Variants in NTM observed in about 807,000 individuals in gnomAD.
NTM encodes the protein IgLON family member 2.
NTM carries 13 observed loss-of-function variants against 42.1 expected under a neutral mutation model. The ratio of observed to expected loss-of-function variants is 0.31; its 90% CI spans 0.20 to 0.49. The LOEUF (loss-of-function observed/expected upper bound fraction) is 0.49, where lower values mean the gene tolerates loss of function less well. Ranked by LOEUF, NTM falls within the 20% of genes least tolerant of loss-of-function variation. The pLI is 0.99. For synonymous variants in NTM, 187 were observed against 179.2 expected (o/e 1.04, Z -0.35); for missense variants, 373 against 452.8 (o/e 0.82, Z 1.60).
At chr11:131,519,400 T>G (rs1460596828) in intron 1 of NTM, among the ~76,000 whole-genome samples, 1 of 150,982 alleles carries the variant, frequency 6.6e-6, no homozygotes, top group Non-Finnish European at 1.5e-5. Flanking sequence ...GTGGAGTTAG[T>G]TAAGACCAGC....
intron 1 of NTM, among the ~76,000 whole-genome samples, chr11:131,628,683 C>G (rs1376239252): frequency 6.6e-6 from 1 of 152,244 alleles, no homozygotes; most frequent in East Asian, 1.9e-4. Flanking sequence ...GCCTTCTTAC[C>G]TGTCAGGAGT....
chr11:131,998,784 G>A (rs1036235817), intron 2 of NTM, among the ~76,000 whole-genome samples: 1 of 152,094 alleles, frequency 6.6e-6, no homozygotes, highest in African/African-American at 2.4e-5. Context: ...CAGTGGGCCA[G>A]TGCAGGGCAA....
At chr11:131,561,681 G>A (rs986143628) in intron 1 of NTM, among the ~76,000 whole-genome samples, 6 of 147,884 alleles carry the variant, frequency 4.1e-5, no homozygotes, top group African/African-American at 1.5e-4. Flanking sequence ...AGAACAATTT[G>A]TTAGTATCCC....
rs76925773 is a variant in NTM, at chr11:132,198,624, T to C, written c.401-13398T>C. On this transcript the variant is annotated intron_variant, in intron 3 of 8. Transcript: ENST00000683400. ...TGGCTAGTAGATAGTAGATTCAGGA[T>C]TGGAGCCTGAGTCTACTTGGCTCCC... Among the ~76,000 whole-genome samples, 1,093 of 152,346 alleles carry C rather than the reference T, an allele frequency of 7.2e-3. 9 individuals carry two copies. Among genetic ancestry groups the C allele is most frequent in the Middle Eastern group, 0.017 (5 of 294 alleles).
At chr11:131,414,133 A>C (rs1298378576) in intron 1 of NTM, among the ~76,000 whole-genome samples, 1 of 152,196 alleles carries the variant, frequency 6.6e-6, no homozygotes, top group Non-Finnish European at 1.5e-5. Context: ...CCACAGGCAG[A>C]GAAAAGGAGG....
intron 2 of NTM, among the ~76,000 whole-genome samples, chr11:132,012,252 A>G (rs1363423235): frequency 6.6e-6 from 1 of 152,222 alleles, no homozygotes; most frequent in African/African-American, 2.4e-5. Flanking sequence ...TGTGTGGTTC[A>G]GACTAATTAT....
At chr11:131,424,600 C>CTTTCTTTTTTTTTTTTTTT (rs1947878678) in intron 1 of NTM, among the ~76,000 whole-genome samples, 10 of 56,046 alleles carry the variant, frequency 1.8e-4, no homozygotes, top group South Asian at 7.3e-4. Context: ...CTTTTCTTTT[C>CTTTCTTTTTTTTTTTTTTT]TTTTTTTTTT....
intron 2 of NTM, among the ~76,000 whole-genome samples, chr11:132,048,811 CTTTTTTCTT>C (rs774996503): frequency 1.2e-4 from 12 of 99,390 alleles, no homozygotes; most frequent in Admixed American, 2.2e-4. Flanking sequence ...TTTTTCTTTT[CTTTTTTCTT>C]TTTTTTTTTT....
chr11:131,685,154 T>C (rs1278120297), intron 1 of NTM, among the ~76,000 whole-genome samples: 1 of 152,232 alleles, frequency 6.6e-6, no homozygotes, highest in Admixed American at 6.5e-5. Context: ...GGATTAATGG[T>C]GGCCCTTTGA....
intron 1 of NTM, among the ~76,000 whole-genome samples, chr11:131,532,271 T>C (rs2051397406): frequency 4.6e-5 from 7 of 152,228 alleles, no homozygotes; most frequent in Admixed American, 4.6e-4. Context: ...TAACTTTCTG[T>C]TTCTCTGAAT....
chr11:132,063,828 A>C (rs1225262397), intron 2 of NTM, among the ~76,000 whole-genome samples: 1 of 152,186 alleles, frequency 6.6e-6, no homozygotes, highest in African/African-American at 2.4e-5. Context: ...CTCCTCTACA[A>C]AAAGAGGCAG....
intron 1 of NTM, among the ~76,000 whole-genome samples, chr11:131,386,048 A>G (rs149590166): frequency 6.6e-6 from 1 of 152,366 alleles, no homozygotes; most frequent in Non-Finnish European, 1.5e-5. Context: ...ATTATTCACA[A>G]TAGTGAAGGT....
chr11:131,523,960 G>A (rs2050114129), intron 1 of NTM, among the ~76,000 whole-genome samples: 1 of 151,850 alleles, frequency 6.6e-6, no homozygotes, highest in African/African-American at 2.4e-5. Context: ...ACTGCAGAGG[G>A]GACAAGGTTG....
intron 1 of NTM, among the ~76,000 whole-genome samples, chr11:131,885,746 C>T (rs560241110): frequency 1.1e-3 from 169 of 152,328 alleles, no homozygotes; most frequent in African/African-American, 3.7e-3. Context: ...TAACTAGATA[C>T]ATTTGATACA....
At chr11:132,086,635 A>T (rs1362480048) in intron 2 of NTM, among the ~76,000 whole-genome samples, 1 of 152,240 alleles carries the variant, frequency 6.6e-6, no homozygotes, top group Non-Finnish European at 1.5e-5. Context: ...AGCACACCAG[A>T]TTAGCTACAG....
chr11:131,384,212 G>C (rs1000778566), intron 1 of NTM, among the ~76,000 whole-genome samples: 2 of 152,160 alleles, frequency 1.3e-5, no homozygotes, highest in African/African-American at 4.8e-5. Context: ...CCCAGGGAGA[G>C]AGTAAGGAAT....
intron 8 of NTM, 114 bp downstream of exon 8, chr11:132,330,299 G>A (rs909795664): frequency 1.2e-4 from 146 of 1,209,834 alleles, no homozygotes; most frequent in Non-Finnish European, 1.6e-4. Flanking sequence ...CAGCGCAGAG[G>A]GAACCCTCCC....
chr11:131,564,194 T>A (rs2056586862), intron 1 of NTM, among the ~76,000 whole-genome samples: 1 of 152,252 alleles, frequency 6.6e-6, no homozygotes, highest in African/African-American at 2.4e-5. Flanking sequence ...TGACTAACCA[T>A]GAGGTCCTTT....
intron 4 of NTM, among the ~76,000 whole-genome samples, chr11:132,237,792 G>T (rs150916728): frequency 6.6e-6 from 1 of 152,292 alleles, no homozygotes; most frequent in African/African-American, 2.4e-5. Context: ...GAGATTTGGA[G>T]TTTCATCCTC....
Sources: gnomAD v4.1 joint callset for allele counts (sites outside exome capture counted in the v4.1 genomes callset) on GRCh38, gnomAD v4.1.1 for gene constraint, MANE v1.5 for transcripts, NCBI Gene and HGNC (gene_info 2026-07-23, HGNC 2026-07-21) for gene names.